The following AHCYL2 variants were observed in gnomAD, a reference collection of about 807,000 sequenced individuals.
AHCYL2 encodes the protein adenosylhomocysteinase like 2.
AHCYL2 carries 28 observed loss-of-function variants against 81.4 expected under a neutral mutation model. That is an observed-to-expected ratio of 0.34 (90% CI 0.25 to 0.47). The LOEUF (loss-of-function observed/expected upper bound fraction) is 0.47. AHCYL2 is among the 20% of genes least tolerant of loss of function. The pLI, the probability that AHCYL2 is intolerant of heterozygous loss-of-function variation, is 1.00. For missense variants in AHCYL2, 551 were observed against 785.1 expected (o/e 0.70, Z 3.56); for synonymous variants, 272 against 290.2 (o/e 0.94, Z 0.64).
chr7:129,327,654 C>T (rs1005097286), intron 1 of AHCYL2, among the ~76,000 whole-genome samples: 5 of 152,028 alleles, frequency 3.3e-5, no homozygotes, highest in Non-Finnish European at 7.4e-5. Context: ...TTTGTAGAGA[C>T]GAGGTTTTAC....
intron 1 of AHCYL2, among the ~76,000 whole-genome samples, chr7:129,321,003 T>G (rs1563195548): frequency 6.6e-6 from 1 of 152,368 alleles, no homozygotes; most frequent in East Asian, 1.9e-4. Context: ...GATGCACATT[T>G]GTAAAACACA....
intron 1 of AHCYL2, among the ~76,000 whole-genome samples, chr7:129,376,925 C>A (rs919989232): frequency 6.6e-6 from 1 of 152,246 alleles, no homozygotes; most frequent in Non-Finnish European, 1.5e-5. Context: ...TCCACCTCCC[C>A]AGCTTTCCAC....
intron 1 of AHCYL2, among the ~76,000 whole-genome samples, chr7:129,269,172 G>T (rs1329517850): frequency 6.7e-6 from 1 of 148,292 alleles, no homozygotes. Flanking sequence ...CCAGTCTGAA[G>T]TGTGGTGTGG....
intron 1 of AHCYL2, among the ~76,000 whole-genome samples, chr7:129,226,406 TG>T (rs1329256593): frequency 6.6e-6 from 1 of 152,238 alleles, no homozygotes; most frequent in Non-Finnish European, 1.5e-5. Flanking sequence ...GGGCAAGTAT[TG>T]GAAAAGACAG....
chr7:129,316,894 T>C (rs965683771), intron 1 of AHCYL2, among the ~76,000 whole-genome samples: 15 of 152,348 alleles, frequency 9.8e-5, no homozygotes, highest in Admixed American at 9.1e-4. Context: ...GCAAAACATA[T>C]ATCCTTGAGT....
intron 12 of AHCYL2, among the ~76,000 whole-genome samples, chr7:129,418,277 TTTTATTTA>T (rs1214274253): frequency 3.9e-5 from 6 of 152,024 alleles, no homozygotes; most frequent in African/African-American, 9.7e-5. Flanking sequence ...TGACTTAGGT[TTTTATTTA>T]TTTATTTATT....
intron 1 of AHCYL2, among the ~76,000 whole-genome samples, chr7:129,327,654 C>G (rs1005097286): frequency 6.6e-6 from 1 of 152,028 alleles, no homozygotes. Context: ...TTTGTAGAGA[C>G]GAGGTTTTAC....
rs374461837 is a variant in AHCYL2 at position 129,379,902 on chromosome 7, A to G, written c.475+153A>G. On this transcript the variant is annotated intron_variant, in intron 2 of 16. Transcript: ENST00000325006. ...AATTTAGACTAAAATGCTGGGTGGAATATTTGGATTTCTCTTGGCAATTCA... is the reference window on the plus strand; with the variant it reads ...AATTTAGACTAAAATGCTGGGTGGAGTATTTGGATTTCTCTTGGCAATTCA... Among the ~76,000 whole-genome samples, 12 of 152,320 alleles carry G rather than the reference A, an allele frequency of 7.9e-5. No individual in the cohort carries two copies. In the East Asian group the frequency reaches 2.3e-3, roughly 29 times the overall value.
At chr7:129,254,509 T>G (rs1217318017) in intron 1 of AHCYL2, among the ~76,000 whole-genome samples, 2 of 152,222 alleles carry the variant, frequency 1.3e-5, no homozygotes, top group Non-Finnish European at 2.9e-5. Context: ...GATTATATTA[T>G]AAAGACAAAA....
intron 1 of AHCYL2, among the ~76,000 whole-genome samples, chr7:129,284,570 G>A (rs959036131): frequency 6.9e-6 from 1 of 144,302 alleles, no homozygotes; most frequent in African/African-American, 2.6e-5. Context: ...CTGCACTCCA[G>A]CCTAGATGAC....
intron 2 of AHCYL2, among the ~76,000 whole-genome samples, chr7:129,386,569 G>A (rs1241637546): frequency 6.6e-6 from 1 of 152,074 alleles, no homozygotes; most frequent in Non-Finnish European, 1.5e-5. Context: ...GTAAAACACT[G>A]TTTTTTCCAG....
chr7:129,229,612 C>T (rs771531380), intron 1 of AHCYL2, among the ~76,000 whole-genome samples: 8 of 152,122 alleles, frequency 5.3e-5, no homozygotes, highest in Non-Finnish European at 1.0e-4. Flanking sequence ...CTTGCTTTCT[C>T]CCAGAGGTCT....
intron 1 of AHCYL2, among the ~76,000 whole-genome samples, chr7:129,281,363 A>G (rs1283599567): frequency 1.3e-5 from 2 of 152,122 alleles, no homozygotes. Context: ...TAATGCTGAC[A>G]TCATAAAATG....
chr7:129,394,662 C>G (rs1276744535), intron 4 of AHCYL2, among the ~76,000 whole-genome samples: 1 of 152,024 alleles, frequency 6.6e-6, no homozygotes, highest in Non-Finnish European at 1.5e-5. Flanking sequence ...TCAGGCTGGT[C>G]TCAAACTCCC....
chr7:129,378,919 T>C (rs1359905177), intron 1 of AHCYL2, among the ~76,000 whole-genome samples: 1 of 152,186 alleles, frequency 6.6e-6, no homozygotes, highest in Non-Finnish European at 1.5e-5. Flanking sequence ...TTTCTAAAAA[T>C]TTAACCAGAA....
At chr7:129,365,096 C>T (rs1252042188) in intron 1 of AHCYL2, among the ~76,000 whole-genome samples, 2 of 152,150 alleles carry the variant, frequency 1.3e-5, no homozygotes, top group East Asian at 3.8e-4. Flanking sequence ...GGCTAAGCCC[C>T]TGAAGAGCCT....
intron 5 of AHCYL2, among the ~76,000 whole-genome samples, chr7:129,398,488 C>T (rs865952923): frequency 1.3e-5 from 2 of 151,770 alleles, no homozygotes; most frequent in African/African-American, 2.4e-5. Flanking sequence ...AAGCGATTCT[C>T]CTGCCTCAGC....
At chr7:129,361,217 T>C (rs984573606) in intron 1 of AHCYL2, among the ~76,000 whole-genome samples, 3 of 152,190 alleles carry the variant, frequency 2.0e-5, no homozygotes, top group Non-Finnish European at 4.4e-5. Context: ...GCAAGAGATA[T>C]TACGGAGTAC....
At chr7:129,227,681 A>G (rs1009182466) in intron 1 of AHCYL2, among the ~76,000 whole-genome samples, 7 of 151,416 alleles carry the variant, frequency 4.6e-5, no homozygotes, top group Non-Finnish European at 7.4e-5. Flanking sequence ...TCTTAATTCT[A>G]GATGTGCTTC....
Sources: allele counts gnomAD v4.1 joint callset (sites outside exome capture counted in the v4.1 genomes callset), GRCh38; gene constraint gnomAD v4.1.1; transcripts MANE v1.5; gene names NCBI Gene and HGNC (gene_info 2026-07-23, HGNC 2026-07-21).